The following DPY30 variants were observed in gnomAD, a reference collection of about 807,000 sequenced individuals.
The protein encoded by DPY30 is protein dpy-30 homolog.
A neutral mutation model predicts 16.2 loss-of-function variants in DPY30; 6 were observed. The ratio of observed to expected loss-of-function variants is 0.37; its 90% CI spans 0.20 to 0.73. The LOEUF is 0.73. Ranked by LOEUF, DPY30 falls within the 30% of genes least tolerant of loss-of-function variation. DPY30 has a pLI of 0.51. For missense variants in DPY30, 73 were observed against 113.1 expected, an observed-to-expected ratio of 0.65 and a Z score of 1.61; for synonymous variants, 39 against 38.8, an observed-to-expected ratio of 1.00 and a Z score of -0.02.
chr2:32,032,259 T>A (rs1352023625), intron 3 of DPY30, among the ~76,000 whole-genome samples: 4 of 152,336 alleles, frequency 2.6e-5, no homozygotes, highest in Admixed American at 2.6e-4. Context: ...TATTTATTTG[T>A]CCATGGACTG....
At chr2:32,019,855 T>C (rs187238339), downstream of DPY30, among the ~76,000 whole-genome samples, 15,308 of 139,284 alleles carry the variant, frequency 0.11, 944 homozygotes, top group Middle Eastern at 0.19. Context: ...TATATATATA[T>C]ACACACACAT....
intron 5 of DPY30, among the ~76,000 whole-genome samples, chr2:32,017,853 A>T (rs879490921): frequency 1.3e-5 from 2 of 152,174 alleles, no homozygotes; most frequent in African/African-American, 2.4e-5. Context: ...TTGAAATCCT[A>T]ACCACTAAGG....
At chr2:32,016,189 G>A (rs577646129) in intron 5 of DPY30, among the ~76,000 whole-genome samples, 17 of 152,278 alleles carry the variant, frequency 1.1e-4, no homozygotes, top group Middle Eastern at 3.4e-3. Flanking sequence ...GTGAGCCACC[G>A]TGCCCGGCCA....
chr2:32,013,299 A>T (rs1675004550), intron 5 of DPY30: 1 of 152,214 alleles, frequency 6.6e-6, no homozygotes, highest in Non-Finnish European at 1.5e-5. Context: ...CTTTCTCCCT[A>T]TTAAAATGCT....
At chr2:32,027,970 T>C (rs1168396638) in intron 4 of DPY30, among the ~76,000 whole-genome samples, 1 of 152,170 alleles carries the variant, frequency 6.6e-6, no homozygotes, top group South Asian at 2.1e-4. Flanking sequence ...AGCCAAGATA[T>C]AGCTCAGTCA....
intron 5 of DPY30, among the ~76,000 whole-genome samples, chr2:32,018,855 T>C (rs893563094): frequency 2.6e-5 from 4 of 151,594 alleles, no homozygotes; most frequent in African/African-American, 9.7e-5. Flanking sequence ...CCTGTCTCTA[T>C]GAAAAATACA....
intron 3 of DPY30, among the ~76,000 whole-genome samples, chr2:32,038,555 C>T (rs1675841531): frequency 6.6e-6 from 1 of 151,676 alleles, no homozygotes; most frequent in African/African-American, 2.4e-5. Context: ...AGTTACTGAA[C>T]TCTAAAAAGA....
intron 4 of DPY30, among the ~76,000 whole-genome samples, chr2:32,027,063 G>A (rs1345309035): frequency 6.6e-6 from 1 of 151,576 alleles, no homozygotes; most frequent in African/African-American, 2.4e-5. Context: ...ACCACCTGAG[G>A]TCAGGAGTTA....
At chr2:32,038,673 G>A (rs1265636009) in intron 3 of DPY30, among the ~76,000 whole-genome samples, 2 of 110,974 alleles carry the variant, frequency 1.8e-5, no homozygotes, top group East Asian at 5.3e-4. Context: ...TTTTTGAGAC[G>A]GAGTCTCACT....
intron 3 of DPY30, 43 bp downstream of exon 3, chr2:32,039,236 G>A (rs1675872261): frequency 6.2e-7 from 1 of 1,613,530 alleles, no homozygotes; most frequent in South Asian, 1.1e-5. Flanking sequence ...TCTCCAGCTT[G>A]CAAGAGACAA....
At chr2:32,030,412 C>G (rs551756709) in intron 3 of DPY30, among the ~76,000 whole-genome samples, 1 of 151,940 alleles carries the variant, frequency 6.6e-6, no homozygotes, top group South Asian at 2.1e-4. Flanking sequence ...GGGCAGATCA[C>G]GAGATCAGGA....
chr2:32,037,931 A>AAGC (rs1427436739), intron 3 of DPY30, among the ~76,000 whole-genome samples: 6 of 152,126 alleles, frequency 3.9e-5, no homozygotes, highest in Middle Eastern at 6.8e-3. Context: ...TAAGCACAGT[A>AAGC]ATAATAGTAA....
chr2:32,036,316 T>A (rs996757345), intron 3 of DPY30, among the ~76,000 whole-genome samples: 1 of 151,716 alleles, frequency 6.6e-6, no homozygotes, highest in Admixed American at 6.6e-5. Flanking sequence ...TTCTTCCAAG[T>A]TTGATGAAAA....
At chr2:32,021,940 T>A (rs1456066880), downstream of DPY30, among the ~76,000 whole-genome samples, 1 of 152,096 alleles carries the variant, frequency 6.6e-6, no homozygotes, top group Non-Finnish European at 1.5e-5. Flanking sequence ...ATGGGCGTGG[T>A]GGCTCACACC....
chr2:32,034,449 T>G (rs1329748276), intron 3 of DPY30, among the ~76,000 whole-genome samples: 1 of 152,048 alleles, frequency 6.6e-6, no homozygotes, highest in Non-Finnish European at 1.5e-5. Flanking sequence ...CAGACTCTTT[T>G]TAACAATCAG....
rs1421373268 is a variant in DPY30 at position 32,035,939 on chromosome 2, A to G, written c.84+3340T>C. ...CAGAGCAAGACTCAGTCTCGAAGAAAAAAAAAAAAAAAAAGAAAAAGAAAA... is the reference window on the plus strand; with the variant it reads ...CAGAGCAAGACTCAGTCTCGAAGAAGAAAAAAAAAAAAAAGAAAAAGAAAA... On this transcript the variant is annotated intron_variant, in intron 3 of 4. Coordinates refer to ENST00000342166, the MANE Select transcript of DPY30 (RefSeq NM_001321209.2). Among the ~76,000 whole-genome samples the G allele has an allele frequency of 9.3e-5, 14 of 150,510 alleles. No individual in the cohort carries two copies. In the East Asian group the frequency reaches 9.7e-4, roughly 10 times the overall value.
intron 5 of DPY30, among the ~76,000 whole-genome samples, chr2:32,012,314 A>G (rs976228205): frequency 6.7e-6 from 1 of 149,996 alleles, no homozygotes; most frequent in East Asian, 2.0e-4. Context: ...TCTCCACTGT[A>G]TATTTGTTTA....
chr2:32,030,209 T>G (rs1388688957), intron 3 of DPY30, among the ~76,000 whole-genome samples: 1 of 152,184 alleles, frequency 6.6e-6, no homozygotes, highest in Non-Finnish European at 1.5e-5. Flanking sequence ...ACCATTGTCT[T>G]GTATTCACTG....
intron 4 of DPY30, among the ~76,000 whole-genome samples, chr2:32,028,963 C>CA (rs993450451): frequency 1.7e-4 from 26 of 149,870 alleles, no homozygotes; most frequent in African/African-American, 3.2e-4. Flanking sequence ...GACTCTGTCT[C>CA]AAAAAAAAAT....
Sources: allele counts gnomAD v4.1 joint callset (sites outside exome capture counted in the v4.1 genomes callset), GRCh38; gene constraint gnomAD v4.1.1; transcripts MANE v1.5; gene names NCBI Gene and HGNC (gene_info 2026-07-23, HGNC 2026-07-21).